NME7: variants seen among roughly 807,000 people sequenced by gnomAD.
The protein encoded by NME7 is NME/NM23 family member 7, also known as nucleoside diphosphate kinase 7.
NME7 carries 41 observed loss-of-function variants against 49.1 expected under a neutral mutation model. The observed-to-expected ratio is 0.83, with a 90% CI of 0.65 to 1.08. The LOEUF is 1.08. Among genes scored for constraint, NME7 ranks in the 50% least tolerant of loss-of-function variants. The probability of loss-of-function intolerance (pLI) is 0.00; values close to 1 mark genes in which losing one functional copy is unlikely to be tolerated. For missense variants in NME7, 423 were observed against 463.4 expected, an observed-to-expected ratio of 0.91 and a Z score of 0.80; for synonymous variants, 139 against 150.6, an observed-to-expected ratio of 0.92 and a Z score of 0.56.
chr1:169,201,871 G>T (rs919653139), intron 10 of NME7, among the ~76,000 whole-genome samples: 1 of 152,088 alleles, frequency 6.6e-6, no homozygotes, highest in Non-Finnish European at 1.5e-5. Context: ...AAAGTGGATA[G>T]AATTATCAAA....
chr1:169,138,116 GC>G (rs1321165433), intron 11 of NME7, among the ~76,000 whole-genome samples: 1 of 151,946 alleles, frequency 6.6e-6, no homozygotes, highest in Non-Finnish European at 1.5e-5. Context: ...TTTGAGACCA[GC>G]CTGGCCAACA....
intron 1 of NME7, among the ~76,000 whole-genome samples, chr1:169,362,777 A>G (rs1276843866): frequency 6.6e-6 from 1 of 152,196 alleles, no homozygotes; most frequent in African/African-American, 2.4e-5. Flanking sequence ...GCAAATATGG[A>G]GGAGAGTGAT....
At chr1:169,239,699 G>C (rs1648001458) in intron 7 of NME7, among the ~76,000 whole-genome samples, 1 of 152,008 alleles carries the variant, frequency 6.6e-6, no homozygotes, top group African/African-American at 2.4e-5. Context: ...GTACAGAGAG[G>C]TTAGAACTGA....
intron 1 of NME7, among the ~76,000 whole-genome samples, chr1:169,364,627 C>A (rs1429720342): frequency 5.3e-5 from 8 of 152,136 alleles, no homozygotes; most frequent in Non-Finnish European, 7.4e-5. Context: ...TCCACCTTTG[C>A]AAAAATTATA....
intron 10 of NME7, among the ~76,000 whole-genome samples, chr1:169,194,281 G>T (rs370794427): frequency 2.0e-5 from 3 of 152,136 alleles, no homozygotes; most frequent in Admixed American, 6.5e-5. Flanking sequence ...TAGACAGGGC[G>T]ACATAGTTCT....
chr1:169,184,997 G>A (rs1348767788), intron 10 of NME7, among the ~76,000 whole-genome samples: 1 of 152,112 alleles, frequency 6.6e-6, no homozygotes, highest in African/African-American at 2.4e-5. Flanking sequence ...AGCTCTACTA[G>A]AGATATATGC....
At chr1:169,357,175 G>A (rs1050269603) in intron 1 of NME7, among the ~76,000 whole-genome samples, 13 of 151,996 alleles carry the variant, frequency 8.6e-5, no homozygotes, top group Non-Finnish European at 1.9e-4. Context: ...TTTTACAAAT[G>A]AAGAAATTGA....
At chr1:169,158,225 T>C (rs1659138417) in intron 11 of NME7, among the ~76,000 whole-genome samples, 1 of 152,194 alleles carries the variant, frequency 6.6e-6, no homozygotes, top group African/African-American at 2.4e-5. Flanking sequence ...CCGAACTCTA[T>C]CTATACTACG....
intron 1 of NME7, among the ~76,000 whole-genome samples, chr1:169,352,314 T>C (rs933454043): frequency 1.4e-4 from 22 of 152,054 alleles, no homozygotes; most frequent in African/African-American, 5.1e-4. Flanking sequence ...ATCAACAGAA[T>C]GTAGAACAGA....
At chr1:169,279,493 A>G (rs1667858028) in intron 7 of NME7, among the ~76,000 whole-genome samples, 1 of 152,216 alleles carries the variant, frequency 6.6e-6, no homozygotes, top group African/African-American at 2.4e-5. Flanking sequence ...CCTCCAAGCC[A>G]GGTGCGGGAT....
chr1:169,284,093 G>A (rs1047685382), intron 7 of NME7: 6 of 151,988 alleles, frequency 3.9e-5, no homozygotes, highest in African/African-American at 1.2e-4. Context: ...CCAATCAAAC[G>A]CAGATTTGTC....
intron 1 of NME7, among the ~76,000 whole-genome samples, chr1:169,341,050 G>A (rs750282145): frequency 6.6e-6 from 1 of 152,218 alleles, no homozygotes; most frequent in Non-Finnish European, 1.5e-5. Context: ...GGAACGGAAT[G>A]TTAATACCAA....
At chr1:169,250,278 T>G (rs1227577365) in intron 7 of NME7, among the ~76,000 whole-genome samples, 2 of 152,204 alleles carry the variant, frequency 1.3e-5, no homozygotes, top group East Asian at 3.9e-4. Context: ...TTCACAGTGG[T>G]CTCAAATGAT....
intron 11 of NME7, among the ~76,000 whole-genome samples, chr1:169,163,745 C>T (rs2101836675): frequency 6.6e-6 from 1 of 152,164 alleles, no homozygotes; most frequent in South Asian, 2.1e-4. Context: ...TGATGACTTA[C>T]TCTCAAATGT....
At chr1:169,295,875 T>C (rs1029388155) in intron 6 of NME7, among the ~76,000 whole-genome samples, 4 of 152,178 alleles carry the variant, frequency 2.6e-5, no homozygotes, top group African/African-American at 4.8e-5. Flanking sequence ...GTTTTGATCT[T>C]GCTTCCTACT....
intron 11 of NME7, among the ~76,000 whole-genome samples, chr1:169,154,655 G>A (rs1475555470): frequency 6.6e-6 from 1 of 151,898 alleles, no homozygotes; most frequent in Non-Finnish European, 1.5e-5. Context: ...AAAATTAGAT[G>A]GGCATGGTGG....
intron 7 of NME7, among the ~76,000 whole-genome samples, chr1:169,252,756 A>T (rs1233429843): frequency 2.0e-5 from 3 of 147,946 alleles, no homozygotes; most frequent in Non-Finnish European, 4.5e-5. Context: ...TAAGGAAGGG[A>T]TCCAGTTTCA....
At chr1:169,245,787 G>A (rs1037757421) in intron 7 of NME7, among the ~76,000 whole-genome samples, 1 of 152,024 alleles carries the variant, frequency 6.6e-6, no homozygotes, top group African/African-American at 2.4e-5. Context: ...GATTATGAGA[G>A]TTTAATGTTC....
chr1:169,253,500 G>A lies in NME7; in HGVS notation c.755-15813C>T, dbSNP rs543611308. ...GGTTTTCTAGATATACAATCATGTC[G>A]CCTGCAAACAGGGACAATTTGACTT... On this transcript the variant is annotated intron_variant, in intron 7 of 11. Transcript: ENST00000367811. Among the ~76,000 whole-genome samples, 81 of 151,950 alleles carry A rather than the reference G, an allele frequency of 5.3e-4. 1 individual carries two copies. The highest frequency in any genetic ancestry group is 3.4e-3 in the Middle Eastern group (1 of 294).
Sources: allele counts gnomAD v4.1 joint callset (sites outside exome capture counted in the v4.1 genomes callset), GRCh38; gene constraint gnomAD v4.1.1; transcripts MANE v1.5; gene names NCBI Gene and HGNC (gene_info 2026-07-23, HGNC 2026-07-21).